The following ZNF277 variants were observed in gnomAD, a reference collection of about 807,000 sequenced individuals.
ZNF277 encodes the protein nuclear receptor-interacting factor 4.
A neutral mutation model predicts 60.7 loss-of-function variants in ZNF277; 55 were observed. The ratio of observed to expected loss-of-function variants is 0.91; its 90% CI spans 0.73 to 1.13. The LOEUF is 1.13. Ranked by LOEUF, ZNF277 falls within the 50% of genes most tolerant of loss-of-function variation. ZNF277 has a pLI of 0.00. For missense variants in ZNF277, 510 were observed against 523.0 expected, an observed-to-expected ratio of 0.98 and a Z score of 0.24; for synonymous variants, 178 against 179.3, an observed-to-expected ratio of 0.99 and a Z score of 0.06.
At chr7:112,301,843 T>C (rs1268755643) in intron 4 of ZNF277, among the ~76,000 whole-genome samples, 1 of 152,192 alleles carries the variant, frequency 6.6e-6, no homozygotes, top group Admixed American at 6.6e-5. Context: ...AGGCTTGCTC[T>C]TACGTATGAA....
chr7:112,254,693 G>A (rs1226291990), intron 1 of ZNF277, among the ~76,000 whole-genome samples: 1 of 152,190 alleles, frequency 6.6e-6, no homozygotes, highest in East Asian at 1.9e-4. Context: ...TTAAGATCAG[G>A]TGTGGTGGCT....
At chr7:112,229,919 AG>A (rs1183707813) in intron 1 of ZNF277, among the ~76,000 whole-genome samples, 1 of 152,172 alleles carries the variant, frequency 6.6e-6, no homozygotes, top group Non-Finnish European at 1.5e-5. Flanking sequence ...TGATAGAATG[AG>A]GTGCTTGAGG....
At chr7:112,214,268 T>C (rs1338956648) in intron 1 of ZNF277, among the ~76,000 whole-genome samples, 1 of 152,238 alleles carries the variant, frequency 6.6e-6, no homozygotes, top group Non-Finnish European at 1.5e-5. Context: ...CACGAGTATA[T>C]AGAAACAAGC....
intron 1 of ZNF277, among the ~76,000 whole-genome samples, chr7:112,276,206 TG>T (rs1279527085): frequency 6.6e-6 from 1 of 152,206 alleles, no homozygotes; most frequent in Non-Finnish European, 1.5e-5. Flanking sequence ...GGGAATCTGA[TG>T]GATGGATGGA....
intron 1 of ZNF277, among the ~76,000 whole-genome samples, chr7:112,209,026 A>C (rs1821665792): frequency 6.6e-6 from 1 of 152,116 alleles, no homozygotes. Flanking sequence ...TATAAACTGA[A>C]AGATCTGCAA....
chr7:112,287,154 A>C, intron 2 of ZNF277, 80 bp downstream of exon 2: 5 of 1,463,610 alleles, frequency 3.4e-6, no homozygotes, highest in Non-Finnish European at 2.8e-6. Context: ...GTACTTTGGG[A>C]GGCCAAAGTG....
At chr7:112,337,934 C>T in intron 9 of ZNF277, 108 bp downstream of exon 9, 1 of 905,312 alleles carries the variant, frequency 1.1e-6, no homozygotes, top group Non-Finnish European at 1.6e-6. Context: ...ATTATTCCAA[C>T]CAGAAGAGAC....
intron 1 of ZNF277, among the ~76,000 whole-genome samples, chr7:112,270,225 G>T (rs534814365): frequency 6.6e-6 from 1 of 152,228 alleles, no homozygotes; most frequent in East Asian, 1.9e-4. Flanking sequence ...TCTTCAAAAT[G>T]TAGGTCCTTG....
At chr7:112,296,930 T>TTA (rs1563219794) in intron 4 of ZNF277, among the ~76,000 whole-genome samples, 3 of 88,704 alleles carry the variant, frequency 3.4e-5, no homozygotes, top group Non-Finnish European at 7.3e-5. Flanking sequence ...TTTTTTTTTT[T>TTA]TTTTTTTTTT....
chr7:112,238,585 A>T (rs1790863448), intron 1 of ZNF277, among the ~76,000 whole-genome samples: 1 of 151,954 alleles, frequency 6.6e-6, no homozygotes, highest in South Asian at 2.1e-4. Flanking sequence ...GTGGCCAGGG[A>T]GGTGTTCGCG....
chr7:112,307,564 A>G lies in ZNF277; in HGVS notation c.466-10618A>G, dbSNP rs1014685588. The stretch of plus-strand genomic sequence containing the variant: ...TGACTGCCTGGGATTATAGGCGTGC[A>G]CCAGCATGCCTGGCTAATTTTTTTG... On this transcript the variant is annotated intron_variant, in intron 4 of 11. Transcript: ENST00000361822. 2.6e-5 allele frequency among the ~76,000 whole-genome samples: 4 copies of G among 151,712 alleles called. No homozygotes were observed. In the East Asian group the frequency reaches 7.8e-4, roughly 29 times the overall value.
At chr7:112,223,190 C>G (rs1191606193) in intron 1 of ZNF277, among the ~76,000 whole-genome samples, 1 of 152,208 alleles carries the variant, frequency 6.6e-6, no homozygotes, top group African/African-American at 2.4e-5. Flanking sequence ...TGATCCCTGG[C>G]TAGGCAGCAC....
intron 6 of ZNF277, among the ~76,000 whole-genome samples, chr7:112,328,573 T>C (rs1358716914): frequency 1.3e-5 from 2 of 151,346 alleles, no homozygotes; most frequent in Admixed American, 6.6e-5. Context: ...AGCAACAACA[T>C]AGAAAAAAAA....
chr7:112,292,891 TTG>T (rs1338811780), intron 2 of ZNF277, among the ~76,000 whole-genome samples: 1 of 152,214 alleles, frequency 6.6e-6, no homozygotes, highest in Non-Finnish European at 1.5e-5. Flanking sequence ...GTTGTTTTTG[TTG>T]TGTGTCTCAT....
intron 1 of ZNF277, among the ~76,000 whole-genome samples, chr7:112,233,998 T>C (rs1426745492): frequency 6.6e-6 from 1 of 152,128 alleles, no homozygotes. Flanking sequence ...TACTATAAGG[T>C]TTTTTTAGAA....
chr7:112,296,911 TA>T (rs71314673), intron 4 of ZNF277, among the ~76,000 whole-genome samples: 128 of 64,858 alleles, frequency 2.0e-3, no homozygotes, highest in East Asian at 3.8e-3. Flanking sequence ...TTTATTTATT[TA>T]TTTTTTTTTT....
intron 1 of ZNF277, among the ~76,000 whole-genome samples, chr7:112,234,548 C>T (rs760784309): frequency 5.3e-5 from 8 of 152,100 alleles, no homozygotes; most frequent in Non-Finnish European, 1.2e-4. Flanking sequence ...TATGTTTCTA[C>T]ATATGAATTT....
At chr7:112,323,922 A>T (rs1322872614) in intron 5 of ZNF277, among the ~76,000 whole-genome samples, 1 of 152,232 alleles carries the variant, frequency 6.6e-6, no homozygotes, top group Non-Finnish European at 1.5e-5. Context: ...AGAGAGCACT[A>T]TGTAGGGAAA....
chr7:112,208,674 A>ATTTTAT (rs1821647065), intron 1 of ZNF277, among the ~76,000 whole-genome samples: 1 of 72,802 alleles, frequency 1.4e-5, no homozygotes, highest in Non-Finnish European at 2.3e-5. Context: ...GTATGATTTG[A>ATTTTAT]TTTTTTTTTT....
Sources: allele counts gnomAD v4.1 joint callset (sites outside exome capture counted in the v4.1 genomes callset), GRCh38; gene constraint gnomAD v4.1.1; transcripts MANE v1.5; gene names NCBI Gene and HGNC (gene_info 2026-07-23, HGNC 2026-07-21).